KIAA1549: variants seen among roughly 807,000 people sequenced by gnomAD.
The protein encoded by KIAA1549 is UPF0606 protein KIAA1549.
KIAA1549 carries 70 observed loss-of-function variants against 156.4 expected under a neutral mutation model. That is an observed-to-expected ratio of 0.45 (90% CI 0.37 to 0.55). The LOEUF is 0.55. Ranked by LOEUF, KIAA1549 falls within the 20% of genes least tolerant of loss-of-function variation. The pLI, the probability that KIAA1549 is intolerant of heterozygous loss-of-function variation, is 0.00. For missense variants in KIAA1549, 2,428 were observed against 2,540.9 expected, an observed-to-expected ratio of 0.96 and a Z score of 0.96; for synonymous variants, 1,103 against 1,066.4, an observed-to-expected ratio of 1.03 and a Z score of -0.67.
At chr7:138,958,209 G>A (rs1364463347) in intron 1 of KIAA1549, among the ~76,000 whole-genome samples, 3 of 151,874 alleles carry the variant, frequency 2.0e-5, no homozygotes, top group Non-Finnish European at 2.9e-5. Context: ...GGCCATCTGC[G>A]GGTTCAGCCT....
Position 138,871,204 on chromosome 7 carries a change from G to A in KIAA1549, c.4504C>T (p.Pro1502Ser). 1 of 1,613,320 alleles carries A rather than the reference G, an allele frequency of 6.2e-7. No individual in the cohort carries two copies. Among genetic ancestry groups the A allele is most frequent in the Non-Finnish European group, 8.5e-7 (1 of 1,179,886 alleles). Residue 1502 changes from proline to serine, a missense_variant, in exon 13 of 20, where the codon CCC (proline) becomes TCC (serine). Transcript: ENST00000422774. ...QPIPAPPVQR[P>S]SPADRVAESN... ...TCCGCCACTCGGTCGGCTGGGGAGG[G>A]GCGCTGGACGGGAGGTGCCGGGATC...
intron 2 of KIAA1549, among the ~76,000 whole-genome samples, chr7:138,913,225 C>T (rs1287726996): frequency 6.6e-6 from 1 of 152,162 alleles, no homozygotes; most frequent in Non-Finnish European, 1.5e-5. Flanking sequence ...AACCAGATGA[C>T]ATCTTCCTCT....
At chr7:138,980,967 G>T in intron 1 of KIAA1549, 116 bp downstream of exon 1, 3 of 951,704 alleles carry the variant, frequency 3.2e-6, no homozygotes, top group Non-Finnish European at 3.9e-6. Context: ...CAGAAAGGAC[G>T]GCGAGGGAGC....
rs558515343 is a variant in KIAA1549 at position 138,853,115 on chromosome 7, T to C, written c.5248-846A>G. Among the ~76,000 whole-genome samples, 23 of 152,352 alleles carry C rather than the reference T, an allele frequency of 1.5e-4. No homozygotes were observed. In the South Asian group the frequency reaches 4.8e-3, roughly 32 times the overall value. On this transcript the variant is annotated intron_variant, in intron 16 of 19. Transcript: ENST00000422774. ...AACTGTGAATTGTTCCTTTTGGAAT[T>C]AGATATTTCAGAAGAACAGTAACTA...
chr7:138,852,969 A>C (rs571727076), intron 16 of KIAA1549, among the ~76,000 whole-genome samples: 1 of 152,378 alleles, frequency 6.6e-6, no homozygotes, highest in African/African-American at 2.4e-5. Flanking sequence ...TCTTTGACTA[A>C]AACAATATGC....
intron 12 of KIAA1549, among the ~76,000 whole-genome samples, chr7:138,878,999 C>T: frequency 6.6e-6 from 1 of 152,076 alleles, no homozygotes; most frequent in Non-Finnish European, 1.5e-5. Flanking sequence ...AACAGTCATA[C>T]CCTTTAGAAC....
intron 1 of KIAA1549, among the ~76,000 whole-genome samples, chr7:138,966,533 T>G (rs1037868357): frequency 6.6e-6 from 1 of 151,992 alleles, no homozygotes; most frequent in Non-Finnish European, 1.5e-5. Context: ...AGTTCGATGT[T>G]CAAGGGCAGG....
intron 15 of KIAA1549, among the ~76,000 whole-genome samples, chr7:138,867,363 T>C (rs994270850): frequency 6.6e-6 from 1 of 152,156 alleles, no homozygotes; most frequent in African/African-American, 2.4e-5. Flanking sequence ...GAGACCAGCC[T>C]GGGCAACATG....
chr7:138,957,703 C>T (rs1813709219), intron 1 of KIAA1549, among the ~76,000 whole-genome samples: 2 of 152,080 alleles, frequency 1.3e-5, no homozygotes, highest in Admixed American at 1.3e-4. Context: ...GTCTCAAACT[C>T]CTGACCGCAG....
chr7:138,871,397 A>G, intron 12 of KIAA1549, 35 bp from the exon 13 acceptor site: 2 of 1,477,496 alleles, frequency 1.4e-6, no homozygotes, highest in Non-Finnish European at 1.8e-6. Flanking sequence ...ACATACACGA[A>G]GTCATCTAAA....
Position 138,869,723 on chromosome 7 carries a change from G to A in KIAA1549, c.4590C>T (p.His1530=). 6.2e-7 allele frequency: 1 copy of A among 1,611,978 alleles called. No individual in the cohort carries two copies. The highest frequency in any genetic ancestry group is 2.2e-5 in the East Asian group (1 of 44,882). The stretch of plus-strand genomic sequence containing the variant: ...CGCGCAGGCGGATCTTGTTGCGATG[G>A]TGCTCGATCTCAGACTTGTGCCGCA... ...TALRHKSEIE[H]HRNKIRLRAK... Residue 1530 remains histidine, a synonymous_variant, in exon 14 of 20, where the codon CAC becomes CAT. Transcript: ENST00000422774.
chr7:138,904,445 G>A (rs574280270), intron 7 of KIAA1549, among the ~76,000 whole-genome samples: 7 of 152,304 alleles, frequency 4.6e-5, no homozygotes, highest in East Asian at 1.9e-4. Flanking sequence ...CAGGAACCCC[G>A]TGAATGGCAA....
At chr7:138,866,283 GATC>G (rs1212961260) in intron 15 of KIAA1549, among the ~76,000 whole-genome samples, 18 of 152,218 alleles carry the variant, frequency 1.2e-4, no homozygotes, top group African/African-American at 4.3e-4. Flanking sequence ...TCTTTCAGAT[GATC>G]ATAATTCAGT....
rs781133155 is a variant in KIAA1549 at position 138,861,289 on chromosome 7, G to A, written c.5097C>T (p.Ala1699=). 7 of 1,608,130 alleles carry A rather than the reference G, an allele frequency of 4.4e-6. No individual in the cohort carries two copies. In the African/African-American group the frequency reaches 8.0e-5, roughly 18 times the overall value. ...CGGTGCTGGCAGGCTGGCTGCTGGG[G>A]GCCACGAGGGCAAAGGCGTCGTCCA... is the stretch of plus-strand genomic sequence containing the variant. ...SLLDDAFALV[A]PSSQPASTAG... Residue 1699 remains alanine, a synonymous_variant, in exon 16 of 20, where the codon GCC becomes GCT. Transcript: ENST00000422774.
In KIAA1549 at chr7:138,836,822, C is replaced by T. The variant is rs1809721996; in HGVS notation, c.*1084G>A. The stretch of plus-strand genomic sequence containing the variant: ...CTTGATTCATTACAGAGAGGCTGAA[C>T]TGAACTCAATTTCATTTCCAGGCTC... On this transcript the variant is annotated 3_prime_UTR_variant, in exon 20 of 20. Coordinates refer to ENST00000422774, the MANE Select transcript of KIAA1549 (RefSeq NM_001164665.2). The T allele has an allele frequency of 4.4e-6, 1 of 225,168 alleles. No homozygotes were observed. Among genetic ancestry groups the T allele is most frequent in the African/African-American group, 2.2e-5 (1 of 44,908 alleles). The allele number at this position is 225,168 out of a possible 1,614,324, so 13.9% of individuals were successfully genotyped here. A position where few individuals can be genotyped will look rare whatever the true frequency, so the allele number is the denominator to read the frequency against.
intron 2 of KIAA1549, among the ~76,000 whole-genome samples, chr7:138,914,426 G>C (rs562163739): frequency 6.6e-6 from 1 of 152,160 alleles, no homozygotes; most frequent in South Asian, 2.1e-4. Flanking sequence ...GTGGAAGCGC[G>C]GCTCATGCCT....
intron 1 of KIAA1549, among the ~76,000 whole-genome samples, chr7:138,939,958 G>A (rs1358952873): frequency 6.6e-6 from 1 of 151,954 alleles, no homozygotes; most frequent in Non-Finnish European, 1.5e-5. Context: ...ACCAGCCTGG[G>A]CAACATAGCA....
In KIAA1549 at chr7:138,917,985, T is replaced by C. The variant is rs1229655590; in HGVS notation, c.1641A>G (p.Gln547=). 2 of 1,596,824 alleles carry C rather than the reference T, an allele frequency of 1.3e-6. No individual in the cohort carries two copies. Among genetic ancestry groups the C allele is most frequent in the Non-Finnish European group, 1.7e-6 (2 of 1,171,698 alleles). The change falls in exon 2 of 20, where the codon CAA becomes CAG. Residue 547 remains glutamine (Q), a synonymous_variant. Coordinates refer to ENST00000422774, the MANE Select transcript of KIAA1549 (RefSeq NM_001164665.2). The part of the protein sequence containing the change: ...TAGSLSVAET[Q]VTPSSVTTAF... ...CAGTGGTCACGCTGGATGGCGTCAC[T>C]TGGGTTTCAGCAACAGACAAGGAGC...
chr7:138,968,573 C>A (rs1479695480), intron 1 of KIAA1549, among the ~76,000 whole-genome samples: 3 of 151,428 alleles, frequency 2.0e-5, no homozygotes, highest in Non-Finnish European at 2.9e-5. Flanking sequence ...CAAGGCCAGG[C>A]GTGGTGGCTC....
Sources: gnomAD v4.1 joint callset for allele counts (sites outside exome capture counted in the v4.1 genomes callset) on GRCh38, gnomAD v4.1.1 for gene constraint, MANE v1.5 for transcripts, NCBI Gene and HGNC (gene_info 2026-07-23, HGNC 2026-07-21) for gene names.